Variants in PLEKHA7 observed in about 807,000 individuals in gnomAD.
PLEKHA7 encodes the protein pleckstrin homology domain containing A7.
PLEKHA7 carries 104 observed loss-of-function variants against 170.0 expected under a neutral mutation model. The ratio of observed to expected loss-of-function variants is 0.61; its 90% CI spans 0.52 to 0.72. PLEKHA7 has a LOEUF of 0.72. PLEKHA7 is among the 30% of genes least tolerant of loss of function. The probability of loss-of-function intolerance (pLI) is 0.00; values close to 1 mark genes in which losing one functional copy is unlikely to be tolerated. For missense variants in PLEKHA7, 1,615 were observed against 1,671.7 expected (o/e 0.97, Z 0.59); for synonymous variants, 648 against 660.8 (o/e 0.98, Z 0.30).
At chr11:16,826,097 G>C (rs755982025) in intron 10 of PLEKHA7, 23 bp downstream of exon 10, 2 of 1,600,638 alleles carry the variant, frequency 1.2e-6, no homozygotes. Flanking sequence ...GTTATAAGCA[G>C]CGATCCTGAG....
intron 9 of PLEKHA7, among the ~76,000 whole-genome samples, chr11:16,829,466 T>C (rs1210913482): frequency 6.6e-6 from 1 of 151,954 alleles, no homozygotes; most frequent in African/African-American, 2.4e-5. Context: ...TAAATTCCAG[T>C]AGGAGGAAAA....
At chr11:16,834,768 T>C (rs970575344) in intron 9 of PLEKHA7, among the ~76,000 whole-genome samples, 3 of 152,186 alleles carry the variant, frequency 2.0e-5, no homozygotes, top group East Asian at 1.9e-4. Flanking sequence ...AAAAAGGTTG[T>C]TGAGAATCAA....
At chr11:16,863,518 A>T (rs1277407508) in intron 4 of PLEKHA7, among the ~76,000 whole-genome samples, 2 of 152,188 alleles carry the variant, frequency 1.3e-5, no homozygotes, top group Non-Finnish European at 2.9e-5. Flanking sequence ...TCCTAAGCGC[A>T]TACTGTCTTC....
chr11:16,942,190 C>T (rs1056104990), intron 3 of PLEKHA7, among the ~76,000 whole-genome samples: 1 of 152,186 alleles, frequency 6.6e-6, no homozygotes, highest in African/African-American at 2.4e-5. Flanking sequence ...AATTCAAATT[C>T]AAACTTGGGG....
intron 13 of PLEKHA7, among the ~76,000 whole-genome samples, chr11:16,807,741 T>C (rs150693032): frequency 2.1e-4 from 32 of 152,336 alleles, no homozygotes; most frequent in African/African-American, 7.0e-4. Flanking sequence ...TAGCTCCTTT[T>C]TGGCAACATT....
intron 10 of PLEKHA7, among the ~76,000 whole-genome samples, chr11:16,823,951 G>C (rs1416086926): frequency 1.3e-5 from 2 of 152,200 alleles, no homozygotes; most frequent in Non-Finnish European, 2.9e-5. Context: ...CCTGTCATTT[G>C]CAACAACATA....
In PLEKHA7 at chr11:16,794,472, A is replaced by G; in HGVS notation, c.2745+16T>C. On this transcript the variant is annotated intron_variant, in intron 19 of 26. Transcript: ENST00000531066. ...GAGGAAACAATGGCATTCAGCTCCT[A>G]GTTATCACTACTTACAACTTTGGGC... 6.3e-7 allele frequency: 1 copy of G among 1,598,096 alleles called. No individual in the cohort carries two copies. Among genetic ancestry groups the G allele is most frequent in the African/African-American group, 1.3e-5 (1 of 74,670 alleles).
At chr11:16,847,076 A>G (rs952798401) in intron 8 of PLEKHA7, among the ~76,000 whole-genome samples, 7 of 145,718 alleles carry the variant, frequency 4.8e-5, no homozygotes, top group African/African-American at 1.8e-4. Flanking sequence ...GCTGTGGCTG[A>G]AGTTTTTTTT....
At chr11:16,873,496 G>T (rs1855033170) in intron 3 of PLEKHA7, among the ~76,000 whole-genome samples, 1 of 152,194 alleles carries the variant, frequency 6.6e-6, no homozygotes, top group Admixed American at 6.5e-5. Flanking sequence ...TCCCAGGCAA[G>T]CCCGTGGAAT....
intron 3 of PLEKHA7, among the ~76,000 whole-genome samples, chr11:16,940,755 T>C (rs117144723): frequency 6.6e-6 from 1 of 152,266 alleles, no homozygotes; most frequent in East Asian, 1.9e-4. Flanking sequence ...GAATCCAACA[T>C]AGTGCCTTTG....
intron 3 of PLEKHA7, among the ~76,000 whole-genome samples, chr11:17,001,892 C>CA (rs1332218666): frequency 1.3e-5 from 2 of 152,200 alleles, no homozygotes; most frequent in Admixed American, 1.3e-4. Context: ...TCTGTCTTGG[C>CA]AAAAAAGCCC....
intron 3 of PLEKHA7, among the ~76,000 whole-genome samples, chr11:16,989,761 C>T (rs1156646827): frequency 1.3e-5 from 2 of 152,346 alleles, no homozygotes; most frequent in East Asian, 3.9e-4. Flanking sequence ...GTCAATTACA[C>T]TGGCTACAAG....
chr11:16,895,234 T>C (rs907156743), intron 3 of PLEKHA7, among the ~76,000 whole-genome samples: 1 of 152,272 alleles, frequency 6.6e-6, no homozygotes, highest in Admixed American at 6.5e-5. Context: ...GCCCTCCTCA[T>C]TTGTGTCTAG....
intron 3 of PLEKHA7, among the ~76,000 whole-genome samples, chr11:16,981,869 G>A (rs546780356): frequency 9.2e-5 from 14 of 152,282 alleles, no homozygotes; most frequent in East Asian, 5.8e-4. Flanking sequence ...ACAGGCTGTC[G>A]TCATGGAGCC....
At chr11:16,798,581 C>T (rs1380666342) in intron 17 of PLEKHA7, among the ~76,000 whole-genome samples, 4 of 152,084 alleles carry the variant, frequency 2.6e-5, no homozygotes, top group African/African-American at 9.7e-5. Context: ...CTGCTAATAA[C>T]TAAATAAAAG....
chr11:16,886,487 G>T (rs999014767), intron 3 of PLEKHA7, among the ~76,000 whole-genome samples: 2 of 152,328 alleles, frequency 1.3e-5, no homozygotes, highest in East Asian at 1.9e-4. Context: ...GAGGCAAGTG[G>T]ATCACCTGAG....
intron 3 of PLEKHA7, among the ~76,000 whole-genome samples, chr11:16,908,279 G>A (rs199608708): frequency 2.8e-5 from 4 of 141,408 alleles, no homozygotes; most frequent in Non-Finnish European, 6.1e-5. Flanking sequence ...AAGAAAATTG[G>A]AAAAAAAAAA....
chr11:16,831,130 T>C (rs763457338), intron 9 of PLEKHA7, among the ~76,000 whole-genome samples: 53 of 152,218 alleles, frequency 3.5e-4, no homozygotes, highest in Non-Finnish European at 6.3e-4. Context: ...CAGCTCCTTA[T>C]TCCCATGGCT....
chr11:16,841,812 T>C (rs1851988853), intron 8 of PLEKHA7, 90 bp from the exon 9 acceptor site: 1 of 1,338,242 alleles, frequency 7.5e-7, no homozygotes, highest in South Asian at 1.4e-5. Flanking sequence ...ATGGCCCTTC[T>C]AGTCTAAAAG....
Sources: allele counts gnomAD v4.1 joint callset (sites outside exome capture counted in the v4.1 genomes callset), GRCh38; gene constraint gnomAD v4.1.1; transcripts MANE v1.5; gene names NCBI Gene and HGNC (gene_info 2026-07-23, HGNC 2026-07-21).